Variants in RAD51B observed in about 807,000 individuals in gnomAD.
RAD51B encodes DNA repair protein RAD51 homolog 2.
Under a neutral mutation model 42.2 loss-of-function variants are expected in RAD51B, and 38 were observed. That is an observed-to-expected ratio of 0.90 (90% CI 0.70 to 1.18). The LOEUF is 1.18. Among genes scored for constraint, RAD51B ranks in the 50% most tolerant of loss-of-function variants. The pLI is 0.00. For synonymous variants in RAD51B, 154 were observed against 145.2 expected (o/e 1.06, Z -0.43); for missense variants, 373 against 400.7 (o/e 0.93, Z 0.59).
intron 7 of RAD51B, among the ~76,000 whole-genome samples, chr14:68,018,543 A>G (rs574948035): frequency 6.6e-6 from 1 of 152,292 alleles, no homozygotes; most frequent in South Asian, 2.1e-4. Flanking sequence ...TTAATTCTCT[A>G]TATTTTTATG....
At chr14:68,582,092 G>A (rs1890233303) in intron 10 of RAD51B, among the ~76,000 whole-genome samples, 1 of 152,164 alleles carries the variant, frequency 6.6e-6, no homozygotes, top group South Asian at 2.1e-4. Context: ...CAGGACATAA[G>A]CATGGGCAAA....
intron 5 of RAD51B, among the ~76,000 whole-genome samples, chr14:67,868,744 C>T (rs1365040634): frequency 9.2e-4 from 140 of 152,308 alleles, no homozygotes; most frequent in African/African-American, 3.3e-3. Flanking sequence ...GATCTGAGAA[C>T]GGGCAGACTG....
chr14:68,567,465 T>C (rs895094068), intron 10 of RAD51B, among the ~76,000 whole-genome samples: 1 of 152,222 alleles, frequency 6.6e-6, no homozygotes, highest in Admixed American at 6.5e-5. Flanking sequence ...TTACAACTGA[T>C]GAACCTACAC....
At chr14:68,467,800 T>C (rs1288167440) in intron 9 of RAD51B, among the ~76,000 whole-genome samples, 1 of 152,288 alleles carries the variant, frequency 6.6e-6, no homozygotes, top group Non-Finnish European at 1.5e-5. Context: ...AAGGTAGCTT[T>C]GAATTTTTTT....
At chr14:68,585,300 A>G (rs1890403758) in intron 10 of RAD51B, among the ~76,000 whole-genome samples, 1 of 152,204 alleles carries the variant, frequency 6.6e-6, no homozygotes, top group Non-Finnish European at 1.5e-5. Flanking sequence ...CAGAGGGAAT[A>G]AGCCCAATTC....
chr14:68,114,518 A>G (rs931149583), intron 7 of RAD51B, among the ~76,000 whole-genome samples: 2 of 152,062 alleles, frequency 1.3e-5, no homozygotes, highest in African/African-American at 4.8e-5. Context: ...TTTCTCTGTT[A>G]TATTTTATAA....
chr14:67,821,102 G>A (rs1322764192), intron 1 of RAD51B, among the ~76,000 whole-genome samples: 1 of 152,216 alleles, frequency 6.6e-6, no homozygotes, highest in Non-Finnish European at 1.5e-5. Context: ...TTGTGACACT[G>A]ATCTGACTTT....
At chr14:67,829,947 C>T (rs1217651679) in intron 3 of RAD51B, among the ~76,000 whole-genome samples, 1 of 152,050 alleles carries the variant, frequency 6.6e-6, no homozygotes, top group African/African-American at 2.4e-5. Flanking sequence ...TGCAAGGAAG[C>T]AATACTTTAG....
intron 10 of RAD51B, among the ~76,000 whole-genome samples, chr14:68,601,178 T>C (rs1391569962): frequency 2.0e-5 from 3 of 151,938 alleles, no homozygotes; most frequent in Non-Finnish European, 4.4e-5. Flanking sequence ...GCGGCCACTC[T>C]CTGAAGCCTT....
intron 9 of RAD51B, among the ~76,000 whole-genome samples, chr14:68,453,757 A>G (rs2085615094): frequency 6.6e-6 from 1 of 152,212 alleles, no homozygotes; most frequent in African/African-American, 2.4e-5. Context: ...ATCTCCAGTT[A>G]TTGACTCTAC....
chr14:68,598,534 A>G (rs564454914), downstream of RAD51B, among the ~76,000 whole-genome samples: 1 of 152,262 alleles, frequency 6.6e-6, no homozygotes, highest in Non-Finnish European at 1.5e-5. Context: ...TTTAGTGTGT[A>G]GCAGATCCAG....
At chr14:68,222,408 A>G (rs551204614) in intron 7 of RAD51B, among the ~76,000 whole-genome samples, 2 of 152,360 alleles carry the variant, frequency 1.3e-5, no homozygotes, top group Admixed American at 6.5e-5. Flanking sequence ...CTATTATTCT[A>G]AGTGAAGTAA....
intron 7 of RAD51B, among the ~76,000 whole-genome samples, chr14:68,085,335 A>C (rs551957341): frequency 1.1e-4 from 16 of 152,298 alleles, no homozygotes; most frequent in African/African-American, 3.6e-4. Flanking sequence ...GTTTAATTGA[A>C]ATCAAGGAAG....
At chr14:68,604,584 C>T (rs1698344947) in intron 10 of RAD51B, among the ~76,000 whole-genome samples, 3 of 152,180 alleles carry the variant, frequency 2.0e-5, no homozygotes, top group Non-Finnish European at 2.9e-5. Context: ...AGCCCTTCCT[C>T]GGCCCTGCCC....
intron 11 of RAD51B, among the ~76,000 whole-genome samples, chr14:68,662,667 T>C (rs1393684527): frequency 1.3e-5 from 2 of 152,220 alleles, no homozygotes; most frequent in Admixed American, 6.5e-5. Flanking sequence ...AACTTAGGAA[T>C]CCTGTCTCCT....
intron 7 of RAD51B, among the ~76,000 whole-genome samples, chr14:68,090,635 C>G (rs1595382151): frequency 6.6e-6 from 1 of 151,238 alleles, no homozygotes; most frequent in East Asian, 1.9e-4. Context: ...ATGGTAGACT[C>G]TTTATTTTAA....
At chr14:67,922,650 A>G (rs2044362542) in intron 7 of RAD51B, among the ~76,000 whole-genome samples, 1 of 148,324 alleles carries the variant, frequency 6.7e-6, no homozygotes, top group Admixed American at 6.7e-5. Context: ...TGGTGCACCC[A>G]TCACCCAAGC....
At chr14:67,824,961 C>G (rs757491745) in intron 2 of RAD51B, among the ~76,000 whole-genome samples, 9 of 151,272 alleles carry the variant, frequency 5.9e-5, no homozygotes, top group African/African-American at 1.2e-4. Context: ...GCCTGTAGTC[C>G]CAGCTACTCA....
At chr14:68,545,796 G>T (rs998047344) in intron 10 of RAD51B, among the ~76,000 whole-genome samples, 1 of 152,192 alleles carries the variant, frequency 6.6e-6, no homozygotes, top group African/African-American at 2.4e-5. Flanking sequence ...CAGAAGAAGG[G>T]AGTGGTGGGA....
Sources: gnomAD v4.1 joint callset for allele counts (sites outside exome capture counted in the v4.1 genomes callset) on GRCh38, gnomAD v4.1.1 for gene constraint, MANE v1.5 for transcripts, NCBI Gene and HGNC (gene_info 2026-07-23, HGNC 2026-07-21) for gene names.